Variants in SORCS3 observed in about 807,000 individuals in gnomAD.
The protein encoded by SORCS3 is VPS10 domain-containing receptor SorCS3.
Under a neutral mutation model 146.3 loss-of-function variants are expected in SORCS3, and 57 were observed. The ratio of observed to expected loss-of-function variants is 0.39; its 90% confidence interval spans 0.31 to 0.49. The LOEUF (loss-of-function observed/expected upper bound fraction) is 0.49. Among genes scored for constraint, SORCS3 ranks in the 20% least tolerant of loss-of-function variants. The pLI, the probability that SORCS3 is intolerant of heterozygous loss-of-function variation, is 0.92. For missense variants in SORCS3, 1,341 were observed against 1,575.5 expected, an observed-to-expected ratio of 0.85 and a Z score of 2.52; for synonymous variants, 653 against 618.5, an observed-to-expected ratio of 1.06 and a Z score of -0.83.
rs79678897 is a variant in SORCS3 at position 104,651,806 on chromosome 10, A to G, written c.627+9852A>G. 1.3e-3 allele frequency among the ~76,000 whole-genome samples: 202 copies of G among 152,212 alleles called. 1 individual carries two copies. Among genetic ancestry groups the G allele is most frequent in the African/African-American group, 4.5e-3 (187 of 41,526 alleles). ...GCTCTGCATGCTGGCCTGATTTCCA[A>G]CCACCAGCACCAGGGACCAGCTTTC... On this transcript the variant is annotated intron_variant, in intron 1 of 26. Transcript: ENST00000369701.
At chr10:104,829,319 G>A (rs1021088377) in intron 1 of SORCS3, among the ~76,000 whole-genome samples, 4 of 152,142 alleles carry the variant, frequency 2.6e-5, no homozygotes, top group African/African-American at 9.7e-5. Context: ...TAGATTAAGG[G>A]AAAATCAGTT....
At chr10:105,000,694 C>A (rs772727171) in intron 4 of SORCS3, among the ~76,000 whole-genome samples, 21 of 152,158 alleles carry the variant, frequency 1.4e-4, no homozygotes, top group Non-Finnish European at 2.5e-4. Flanking sequence ...GCACCCTAAT[C>A]CAAGGCACTG....
chr10:105,100,842 G>T (rs2055779413), intron 6 of SORCS3, among the ~76,000 whole-genome samples: 1 of 152,140 alleles, frequency 6.6e-6, no homozygotes, highest in Non-Finnish European at 1.5e-5. Flanking sequence ...CTTTTAAAAT[G>T]TATCCACAAT....
chr10:104,721,016 A>G (rs999256322), intron 1 of SORCS3, among the ~76,000 whole-genome samples: 2 of 152,150 alleles, frequency 1.3e-5, no homozygotes, highest in East Asian at 1.9e-4. Context: ...TTTTGTTGCC[A>G]TGGCTTTTGG....
At chr10:104,936,158 T>C (rs1422612141) in intron 3 of SORCS3, among the ~76,000 whole-genome samples, 1 of 152,176 alleles carries the variant, frequency 6.6e-6, no homozygotes, top group Non-Finnish European at 1.5e-5. Context: ...TACATTCATA[T>C]GATGGAACAT....
intron 25 of SORCS3, 36 bp from the exon 26 acceptor site, chr10:105,262,295 G>C (rs1302127388): frequency 1.3e-6 from 2 of 1,596,388 alleles, no homozygotes; most frequent in Admixed American, 1.7e-5. Context: ...GGCACACCCT[G>C]TGATCTTAAC....
At chr10:104,865,755 T>C (rs2018452655) in intron 2 of SORCS3, among the ~76,000 whole-genome samples, 1 of 152,112 alleles carries the variant, frequency 6.6e-6, no homozygotes, top group African/African-American at 2.4e-5. Flanking sequence ...GAAAGAAACA[T>C]GGAATTTTTT....
At chr10:104,846,655 T>G (rs2018208944) in intron 2 of SORCS3, among the ~76,000 whole-genome samples, 1 of 152,228 alleles carries the variant, frequency 6.6e-6, no homozygotes, top group Non-Finnish European at 1.5e-5. Context: ...CTTGTGCCCT[T>G]GTGACATTCT....
intron 5 of SORCS3, among the ~76,000 whole-genome samples, chr10:105,065,561 G>T (rs2055517390): frequency 6.6e-6 from 1 of 152,042 alleles, no homozygotes; most frequent in South Asian, 2.1e-4. Context: ...AATACTCAGT[G>T]TAAGTTCTAG....
chr10:104,663,820 C>G (rs984530278), intron 1 of SORCS3, among the ~76,000 whole-genome samples: 1 of 152,090 alleles, frequency 6.6e-6, no homozygotes, highest in Non-Finnish European at 1.5e-5. Flanking sequence ...GGCAGCCCCC[C>G]ACTCCTCTTT....
At chr10:104,728,537 G>C (rs2016668527) in intron 1 of SORCS3, among the ~76,000 whole-genome samples, 1 of 152,194 alleles carries the variant, frequency 6.6e-6, no homozygotes, top group South Asian at 2.1e-4. Context: ...AGGACAGTGA[G>C]AGTAGAACGA....
chr10:104,902,768 C>T (rs1347571708), intron 2 of SORCS3, among the ~76,000 whole-genome samples: 1 of 152,142 alleles, frequency 6.6e-6, no homozygotes, highest in Non-Finnish European at 1.5e-5. Context: ...TCACTGAATC[C>T]TCCTAATAAC....
intron 1 of SORCS3, among the ~76,000 whole-genome samples, chr10:104,675,108 C>T (rs926012261): frequency 6.6e-6 from 1 of 152,212 alleles, no homozygotes; most frequent in African/African-American, 2.4e-5. Context: ...AATCATTTCA[C>T]TTCCTTGCCA....
chr10:104,975,042 G>A (rs1220751910), intron 3 of SORCS3, among the ~76,000 whole-genome samples: 1 of 152,070 alleles, frequency 6.6e-6, no homozygotes, highest in African/African-American at 2.4e-5. Flanking sequence ...CTTCTGACTT[G>A]TAGAGTTTCT....
In SORCS3 at chr10:104,863,469, T is replaced by G. The variant is rs765726274; in HGVS notation, c.695+20610T>G. Among the ~76,000 whole-genome samples, 11 of 152,232 alleles carry G rather than the reference T, an allele frequency of 7.2e-5. 1 individual carries two copies. The highest frequency in any genetic ancestry group is 1.5e-4 in the Non-Finnish European group (10 of 68,040). On this transcript the variant is annotated intron_variant, in intron 2 of 26. Coordinates refer to ENST00000369701, the MANE Select transcript of SORCS3 (RefSeq NM_014978.3). The stretch of plus-strand genomic sequence containing the variant: ...GCATCCTAGCCCAGCATCCTCTCAC[T>G]TCTTCATTTTGAGTCCCTTAGAATC...
chr10:105,261,095 T>C (rs2056957779), intron 25 of SORCS3, among the ~76,000 whole-genome samples: 1 of 152,168 alleles, frequency 6.6e-6, no homozygotes, highest in Non-Finnish European at 1.5e-5. Context: ...ATAGAAAACA[T>C]AGACCTTGCC....
chr10:105,136,480 C>G (rs1229556089), intron 7 of SORCS3, among the ~76,000 whole-genome samples: 1 of 152,188 alleles, frequency 6.6e-6, no homozygotes, highest in Admixed American at 6.5e-5. Context: ...ATTCAAACCA[C>G]AGAACCAGCA....
chr10:105,032,988 G>T (rs923597051), intron 4 of SORCS3, among the ~76,000 whole-genome samples: 13 of 152,158 alleles, frequency 8.5e-5, no homozygotes, highest in African/African-American at 3.1e-4. Flanking sequence ...TTTATGAATT[G>T]CAGCATATAA....
chr10:104,886,261 G>A (rs1030409712), intron 2 of SORCS3, among the ~76,000 whole-genome samples: 1 of 152,122 alleles, frequency 6.6e-6, no homozygotes, highest in Non-Finnish European at 1.5e-5. Flanking sequence ...CTGTATGTGA[G>A]CAGCCAAATC....
Sources: allele counts gnomAD v4.1 joint callset (sites outside exome capture counted in the v4.1 genomes callset), GRCh38; gene constraint gnomAD v4.1.1; transcripts MANE v1.5; gene names NCBI Gene and HGNC (gene_info 2026-07-23, HGNC 2026-07-21).